TENM3: variants seen among roughly 807,000 people sequenced by gnomAD.
The protein encoded by TENM3 is teneurin-3.
TENM3 carries 63 observed loss-of-function variants against 255.1 expected under a neutral mutation model. That is an observed-to-expected ratio of 0.25 (90% CI 0.20 to 0.30). The LOEUF is 0.30. Ranked by LOEUF, TENM3 falls within the 10% of genes least tolerant of loss-of-function variation. The pLI is 1.00. For synonymous variants in TENM3, 1,306 were observed against 1,322.3 expected (o/e 0.99, Z 0.27); for missense variants, 2,929 against 3,461.1 (o/e 0.85, Z 3.86).
chr4:182,640,289 C>G (rs768972673), intron 5 of TENM3, among the ~76,000 whole-genome samples: 12 of 152,032 alleles, frequency 7.9e-5, no homozygotes, highest in Admixed American at 7.2e-4. Flanking sequence ...TAAAGGTGAT[C>G]GGCACATTTT....
the TENM3 span, among the ~76,000 whole-genome samples, chr4:181,497,544 C>T: frequency 3.6e-4 from 55 of 152,088 alleles, no homozygotes; most frequent in Middle Eastern, 3.4e-3. Context: ...TATTGTAATG[C>T]CTGAATAAAG....
the TENM3 span, among the ~76,000 whole-genome samples, chr4:182,062,052 T>G: frequency 3.3e-5 from 5 of 152,202 alleles, no homozygotes; most frequent in African/African-American, 9.6e-5. Flanking sequence ...AGGATGTCCT[T>G]ATGTTAGATT....
the TENM3 span, among the ~76,000 whole-genome samples, chr4:181,916,073 G>A: frequency 1.3e-5 from 2 of 152,102 alleles, no homozygotes; most frequent in East Asian, 1.9e-4. Flanking sequence ...AACCTAACTC[G>A]ATGCTGCTCC....
the TENM3 span, among the ~76,000 whole-genome samples, chr4:181,942,269 C>CTTTTTTCTTTTTTTT: frequency 9.4e-6 from 1 of 106,150 alleles, no homozygotes. Flanking sequence ...GATGTTGGGC[C>CTTTTTTCTTTTTTTT]TTTTTTTTTT....
At chr4:181,771,580 G>A in the TENM3 span, among the ~76,000 whole-genome samples, 1 of 152,194 alleles carries the variant, frequency 6.6e-6, no homozygotes, top group Admixed American at 6.5e-5. Context: ...CCTCAGAGAT[G>A]CCCGGCAGAC....
Position 182,346,930 on chromosome 4 carries a change from GT to G in TENM3, c.511+2del. 1 of 1,578,890 alleles carries G rather than the reference GT, an allele frequency of 6.3e-7. No individual in the cohort carries two copies. Among genetic ancestry groups the G allele is most frequent in the Admixed American group, 1.7e-5 (1 of 58,456 alleles). On this transcript the variant is annotated splice_donor_variant, in intron 3 of 27. Coordinates refer to ENST00000511685, the MANE Select transcript of TENM3 (RefSeq NM_001080477.4). LOFTEE classifies it high-confidence loss of function. ...GAAAACAAGTCCGACAGTGAGAATG[GT>G]AAGTTTCCTTTTTGGCTTTATAATG...
At chr4:182,106,152 C>T in the TENM3 span, among the ~76,000 whole-genome samples, 4 of 152,270 alleles carry the variant, frequency 2.6e-5, no homozygotes, top group Admixed American at 2.0e-4. Flanking sequence ...AAGGCCAGAC[C>T]GACCTCTTCT....
chr4:181,467,532 A>G, the TENM3 span, among the ~76,000 whole-genome samples: 2 of 152,098 alleles, frequency 1.3e-5, no homozygotes, highest in African/African-American at 4.8e-5. Context: ...TTCAATTTCA[A>G]TAAATTAAAA....
At chr4:181,564,866 T>C in the TENM3 span, among the ~76,000 whole-genome samples, 20 of 152,250 alleles carry the variant, frequency 1.3e-4, no homozygotes, top group African/African-American at 4.6e-4. Context: ...TTAATGAATC[T>C]CCACTTTTTT....
intron 3 of TENM3, among the ~76,000 whole-genome samples, chr4:182,587,863 T>C (rs763550424): frequency 1.3e-5 from 2 of 152,192 alleles, no homozygotes; most frequent in East Asian, 1.9e-4. Context: ...TTAATAGTTA[T>C]AATACAAGAT....
intron 3 of TENM3, among the ~76,000 whole-genome samples, chr4:182,493,395 G>T (rs1046559356): frequency 6.6e-6 from 1 of 152,080 alleles, no homozygotes; most frequent in African/African-American, 2.4e-5. Context: ...CATTTTGTTG[G>T]AAAGCTTTCA....
chr4:182,563,790 T>C lies in TENM3; in HGVS notation c.512-37134T>C, dbSNP rs138590554. ...AAGGAATACACTAGGAAAAAAGCTG[T>C]TACAAATATCCTAATAATGCCTAAC... On this transcript the variant is annotated intron_variant, in intron 3 of 27. Coordinates refer to ENST00000511685, the MANE Select transcript of TENM3 (RefSeq NM_001080477.4). 5.4e-3 allele frequency among the ~76,000 whole-genome samples: 825 copies of C among 152,312 alleles called. 6 individuals are homozygous for C. The highest frequency in any genetic ancestry group is 0.019 in the African/African-American group (792 of 41,576).
chr4:181,712,591 T>C, the TENM3 span, among the ~76,000 whole-genome samples: 1 of 152,198 alleles, frequency 6.6e-6, no homozygotes, highest in Non-Finnish European at 1.5e-5. Flanking sequence ...TATATAGCAA[T>C]GAGAGAATAA....
At chr4:181,867,924 G>T in the TENM3 span, among the ~76,000 whole-genome samples, 1 of 152,126 alleles carries the variant, frequency 6.6e-6, no homozygotes, top group Admixed American at 6.5e-5. Context: ...AATAAAAATT[G>T]TAGATGTTCT....
chr4:182,743,128 CT>C (rs1275881212), intron 18 of TENM3, 41 bp from the exon 19 acceptor site: 1 of 1,554,410 alleles, frequency 6.4e-7, no homozygotes, highest in East Asian at 2.3e-5. Context: ...CATCTTTACA[CT>C]TTTTCATCAT....
chr4:181,968,386 T>A, the TENM3 span, among the ~76,000 whole-genome samples: 1 of 152,162 alleles, frequency 6.6e-6, no homozygotes, highest in Non-Finnish European at 1.5e-5. Flanking sequence ...TGTCACTGGC[T>A]CTCGCCAGGT....
the TENM3 span, among the ~76,000 whole-genome samples, chr4:181,978,166 C>T: frequency 1.7e-4 from 26 of 152,248 alleles, no homozygotes; most frequent in African/African-American, 5.5e-4. Flanking sequence ...CCAATGAAAA[C>T]AGAATCGTAA....
chr4:182,284,425 G>A (rs1467243071), intron 1 of TENM3, among the ~76,000 whole-genome samples: 1 of 152,118 alleles, frequency 6.6e-6, no homozygotes, highest in East Asian at 1.9e-4. Flanking sequence ...CAGGCAGTCT[G>A]GTATTTTAAA....
intron 3 of TENM3, among the ~76,000 whole-genome samples, chr4:182,362,047 C>T (rs958829849): frequency 6.6e-5 from 10 of 152,258 alleles, no homozygotes; most frequent in Admixed American, 1.3e-4. Context: ...TCGTGAACCG[C>T]GAAAGCTGCT....
Sources: allele counts gnomAD v4.1 joint callset (sites outside exome capture counted in the v4.1 genomes callset), GRCh38; gene constraint gnomAD v4.1.1; transcripts MANE v1.5; gene names NCBI Gene and HGNC (gene_info 2026-07-23, HGNC 2026-07-21).